Variants in DEPDC7 observed in about 807,000 individuals in gnomAD.
DEPDC7 encodes the protein DEP domain containing 7.
DEPDC7 carries 41 observed loss-of-function variants against 56.6 expected under a neutral mutation model. The ratio of observed to expected loss-of-function variants is 0.72; its 90% CI spans 0.56 to 0.94. The LOEUF is 0.94. DEPDC7 is among the 40% of genes least tolerant of loss of function. The pLI is 0.00. For missense variants in DEPDC7, 522 were observed against 596.3 expected (o/e 0.88, Z 1.30); for synonymous variants, 185 against 208.8 (o/e 0.89, Z 0.98).
In DEPDC7 at chr11:33,027,780, C is replaced by A; in HGVS notation, c.559C>A (p.His187Asn). 2 of 1,577,276 alleles carry A rather than the reference C, an allele frequency of 1.3e-6. No individual in the cohort carries two copies. The highest frequency in any genetic ancestry group is 1.7e-6 in the Non-Finnish European group (2 of 1,165,808). ...NLSLKPANSP[H>N]VNISATLSPQ... is the part of the protein sequence containing the mutation. ...GAGTTTAAAGCCTGCCAACTCCCCT[C>A]ATGTAAATATCTCTGCAACCTTGTC... The change falls in exon 3 of 9, where the codon CAT (histidine) becomes AAT (asparagine). Residue 187 changes from histidine (H) to asparagine (N), a missense_variant. Physicochemically the swap from His to Asn is moderately conservative, Grantham distance 68 (BLOSUM62 1). Transcript: ENST00000241051.
intron 1 of DEPDC7, among the ~76,000 whole-genome samples, chr11:33,019,826 C>T (rs763945174): frequency 3.5e-4 from 53 of 151,078 alleles, no homozygotes; most frequent in Non-Finnish European, 5.6e-4. Flanking sequence ...GGCACTAGCT[C>T]ACCATCTCTT....
intron 8 of DEPDC7, 25 bp downstream of exon 8, chr11:33,032,992 T>C (rs753669918): frequency 6.6e-7 from 1 of 1,515,556 alleles, no homozygotes; most frequent in South Asian, 1.2e-5. Context: ...ATTATTTTCA[T>C]GATCTTCCAA....
At position 33,027,820 on chromosome 11, in the gene DEPDC7, T is replaced by A; in HGVS notation, c.592+7T>A. The A allele has an allele frequency of 6.5e-7, 1 of 1,537,174 alleles. No individual in the cohort carries two copies. Among genetic ancestry groups the A allele is most frequent in the Non-Finnish European group, 8.7e-7 (1 of 1,150,106 alleles). ...GCAACCTTGTCTCCACAAGGTAAGC[T>A]AAGGATGAAGCAAAGTAAGAAGTAG... is the stretch of plus-strand genomic sequence containing the variant. On this transcript the variant is annotated splice_region_variant and intron_variant, in intron 3 of 8. Coordinates refer to ENST00000241051, the MANE Select transcript of DEPDC7 (RefSeq NM_001077242.2).
intron 1 of DEPDC7, among the ~76,000 whole-genome samples, chr11:33,021,262 A>AT (rs1783619807): frequency 6.6e-6 from 1 of 151,648 alleles, no homozygotes. Flanking sequence ...AAAAAAAAAA[A>AT]GAAAAAAAAG....
intron 1 of DEPDC7, among the ~76,000 whole-genome samples, chr11:33,018,289 C>T (rs994219289): frequency 4.6e-5 from 7 of 152,216 alleles, no homozygotes; most frequent in African/African-American, 1.7e-4. Flanking sequence ...TTACATTTAT[C>T]TATTAATATT....
At chr11:33,021,428 C>T (rs1289450585) in intron 1 of DEPDC7, among the ~76,000 whole-genome samples, 1 of 152,118 alleles carries the variant, frequency 6.6e-6, no homozygotes, top group Non-Finnish European at 1.5e-5. Context: ...TTTTTGGTCT[C>T]TTAAATCCTG....
chr11:33,024,686 A>G (rs186509834), intron 1 of DEPDC7, among the ~76,000 whole-genome samples: 12 of 152,336 alleles, frequency 7.9e-5, no homozygotes, highest in African/African-American at 2.9e-4. Context: ...ATCTAAACAT[A>G]GAAAAGGTAC....
intron 1 of DEPDC7, 127 bp from the exon 2 acceptor site, chr11:33,025,532 A>G: frequency 1.2e-6 from 1 of 854,958 alleles, no homozygotes; most frequent in South Asian, 1.8e-5. Context: ...TCAGTAAGCT[A>G]CCCTCATAAT....
At chr11:33,033,182 G>C (rs1045409611) in intron 8 of DEPDC7, 80 bp from the exon 9 acceptor site, 1 of 1,165,498 alleles carries the variant, frequency 8.6e-7, no homozygotes, top group Non-Finnish European at 1.2e-6. Context: ...AAAACATAAA[G>C]ACAAGAATAT....
At chr11:33,019,044 C>A (rs1489388995) in intron 1 of DEPDC7, among the ~76,000 whole-genome samples, 1 of 152,200 alleles carries the variant, frequency 6.6e-6, no homozygotes, top group Admixed American at 6.5e-5. Context: ...ATGGACCCAA[C>A]AACGGAACTC....
chr11:33,016,712 G>C, intron 1 of DEPDC7: 1 of 860,084 alleles, frequency 1.2e-6, no homozygotes, highest in Non-Finnish European at 1.9e-6. Flanking sequence ...TGTCTTTTGG[G>C]GGCAGTTGAT....
chr11:33,022,522 G>A (rs558077142), intron 1 of DEPDC7, among the ~76,000 whole-genome samples: 4 of 152,262 alleles, frequency 2.6e-5, no homozygotes, highest in Admixed American at 6.5e-5. Context: ...AATTAAATGC[G>A]AGAAGACAGA....
In DEPDC7 at chr11:33,015,983, G is replaced by A; in HGVS notation, c.28G>A (p.Ala10Thr). Residue 10 changes from alanine to threonine, a missense_variant, in exon 1 of 9, where the codon GCG becomes ACG. By Grantham distance (58) the Ala-to-Thr change is moderately conservative. Transcript: ENST00000241051. ...GGCCACCGTGCAGGAGAAGGCTGCT[G>A]CGCTGAACCTCTCGGCTCTCCACAG... MATVQEKAAALNLSALHSPA... is the reference protein window; with the variant it reads MATVQEKAATLNLSALHSPA... 1 of 1,577,342 alleles carries A rather than the reference G, an allele frequency of 6.3e-7. No individual in the cohort carries two copies. Among genetic ancestry groups the A allele is most frequent in the Admixed American group, 1.8e-5 (1 of 55,354 alleles).
intron 1 of DEPDC7, 160 bp downstream of exon 1, chr11:33,016,188 C>T: frequency 7.9e-7 from 1 of 1,266,412 alleles, no homozygotes; most frequent in Non-Finnish European, 9.9e-7. Flanking sequence ...GGCCAACGCC[C>T]CCGCCGAGCG....
At chr11:33,027,890 T>C (rs1250353845) in intron 3 of DEPDC7, 77 bp downstream of exon 3, 5 of 1,364,614 alleles carry the variant, frequency 3.7e-6, no homozygotes, top group Non-Finnish European at 4.8e-6. Flanking sequence ...TCTTAATCTT[T>C]ATTAGATTTT....
At chr11:33,030,854 G>A (rs1853625971) in intron 4 of DEPDC7, among the ~76,000 whole-genome samples, 1 of 152,210 alleles carries the variant, frequency 6.6e-6, no homozygotes, top group African/African-American at 2.4e-5. Context: ...AAAGTGCTGG[G>A]ATTACAGGTG....
chr11:33,025,593 C>A, intron 1 of DEPDC7, 66 bp from the exon 2 acceptor site: 1 of 1,491,586 alleles, frequency 6.7e-7, no homozygotes, highest in Non-Finnish European at 9.1e-7. Flanking sequence ...CTAAGGATTG[C>A]TTAGACCTTA....
chr11:33,029,489 C>CA (rs10610753), intron 4 of DEPDC7, among the ~76,000 whole-genome samples: 2,210 of 92,968 alleles, frequency 0.024, 27 homozygotes, highest in African/African-American at 0.036. Context: ...GAGAATGTCT[C>CA]AAAAAAAAAA....
intron 1 of DEPDC7, among the ~76,000 whole-genome samples, chr11:33,022,070 G>A (rs1189688702): frequency 6.6e-6 from 1 of 152,068 alleles, no homozygotes; most frequent in Non-Finnish European, 1.5e-5. Context: ...TGACTTATGT[G>A]TTTCATCTTT....
Sources: gnomAD v4.1 joint callset for allele counts (sites outside exome capture counted in the v4.1 genomes callset) on GRCh38, gnomAD v4.1.1 for gene constraint, MANE v1.5 for transcripts, NCBI Gene and HGNC (gene_info 2026-07-23, HGNC 2026-07-21) for gene names.